The following FHIT variants were observed in gnomAD, a reference collection of about 807,000 sequenced individuals.
The protein encoded by FHIT is fragile histidine triad diadenosine triphosphatase.
In FHIT, 19 loss-of-function variants were observed where a neutral mutation model predicts 17.9. The observed-to-expected ratio is 1.06, with a 90% CI of 0.74 to 1.56. The LOEUF is 1.56. Ranked by LOEUF, FHIT falls within the 40% of genes most tolerant of loss-of-function variation. The probability of loss-of-function intolerance (pLI) is 0.00; values close to 1 mark genes in which losing one functional copy is unlikely to be tolerated. For synonymous variants in FHIT, 81 were observed against 69.7 expected (o/e 1.16, Z -0.81); for missense variants, 248 against 189.2 (o/e 1.31, Z -1.82).
At chr3:60,362,753 G>A (rs949577161) in intron 5 of FHIT, among the ~76,000 whole-genome samples, 2 of 152,096 alleles carry the variant, frequency 1.3e-5, no homozygotes, top group Admixed American at 6.5e-5. Context: ...TCAATAAAAC[G>A]TGGATCAGAT....
At chr3:60,332,170 T>C (rs1210160758) in intron 5 of FHIT, among the ~76,000 whole-genome samples, 4 of 152,234 alleles carry the variant, frequency 2.6e-5, no homozygotes, top group Admixed American at 6.5e-5. Flanking sequence ...AGCAATGTCC[T>C]ACTATTAACC....
At chr3:60,608,965 A>C (rs1435350153) in intron 4 of FHIT, among the ~76,000 whole-genome samples, 1 of 151,914 alleles carries the variant, frequency 6.6e-6, no homozygotes, top group Non-Finnish European at 1.5e-5. Flanking sequence ...TTTAAAAGTC[A>C]GTTGATTCAA....
At chr3:59,982,946 A>G (rs1350951641) in intron 7 of FHIT, among the ~76,000 whole-genome samples, 1 of 151,894 alleles carries the variant, frequency 6.6e-6, no homozygotes, top group East Asian at 1.9e-4. Flanking sequence ...ATTAGCCAGG[A>G]TTCTTTTTTT....
chr3:60,731,013 C>A (rs1372480025), intron 4 of FHIT, among the ~76,000 whole-genome samples: 1 of 151,462 alleles, frequency 6.6e-6, no homozygotes, highest in Non-Finnish European at 1.5e-5. Context: ...CGCCCGTAAT[C>A]CCAGCTACTT....
chr3:60,293,552 AC>A (rs1370033267), intron 5 of FHIT, among the ~76,000 whole-genome samples: 1 of 152,166 alleles, frequency 6.6e-6, no homozygotes, highest in Admixed American at 6.6e-5. Flanking sequence ...TCTGAAGGTC[AC>A]CTAACTATAT....
chr3:60,424,908 T>C (rs892018422), intron 5 of FHIT, among the ~76,000 whole-genome samples: 2 of 152,178 alleles, frequency 1.3e-5, no homozygotes, highest in African/African-American at 4.8e-5. Flanking sequence ...GCTCTGAAGT[T>C]TTTATCAGTA....
At chr3:61,170,618 T>C (rs768965754) in intron 2 of FHIT, among the ~76,000 whole-genome samples, 9 of 152,200 alleles carry the variant, frequency 5.9e-5, no homozygotes, top group Non-Finnish European at 1.0e-4. Context: ...AATGAGAATA[T>C]GCAGCATTTG....
intron 1 of FHIT, among the ~76,000 whole-genome samples, chr3:61,248,224 T>C (rs2040531973): frequency 1.3e-5 from 2 of 152,086 alleles, no homozygotes; most frequent in South Asian, 4.1e-4. Context: ...ATGAATGCAA[T>C]GCCACAAGTA....
chr3:60,868,056 A>G (rs183096834), intron 3 of FHIT, among the ~76,000 whole-genome samples: 2 of 152,274 alleles, frequency 1.3e-5, no homozygotes, highest in African/African-American at 4.8e-5. Context: ...TTGTTATGAC[A>G]TATCTGAATA....
chr3:60,957,398 T>A (rs942263893), intron 3 of FHIT, among the ~76,000 whole-genome samples: 2 of 151,978 alleles, frequency 1.3e-5, no homozygotes, highest in Non-Finnish European at 2.9e-5. Flanking sequence ...CCACCACACC[T>A]GGCTAATTTA....
At chr3:61,222,396 C>A (rs1245884433) in intron 1 of FHIT, among the ~76,000 whole-genome samples, 1 of 152,170 alleles carries the variant, frequency 6.6e-6, no homozygotes, top group Non-Finnish European at 1.5e-5. Context: ...AAGTATTCAA[C>A]AAAATATTGG....
intron 5 of FHIT, among the ~76,000 whole-genome samples, chr3:60,365,714 C>T (rs570499601): frequency 6.6e-6 from 1 of 152,270 alleles, no homozygotes; most frequent in African/African-American, 2.4e-5. Context: ...ATCAGTGTTA[C>T]GTCTTAAGAT....
intron 5 of FHIT, among the ~76,000 whole-genome samples, chr3:60,289,775 C>T (rs997497231): frequency 5.3e-5 from 8 of 152,012 alleles, no homozygotes; most frequent in Non-Finnish European, 1.0e-4. Context: ...GTTTCAGAAC[C>T]GGGTATTTAG....
intron 5 of FHIT, among the ~76,000 whole-genome samples, chr3:60,149,883 GAA>G (rs1700389303): frequency 6.7e-6 from 1 of 148,176 alleles, no homozygotes; most frequent in Non-Finnish European, 1.5e-5. Flanking sequence ...GAGCTATAAT[GAA>G]AGAGTTGTAA....
chr3:59,802,764 T>C (rs896628867), intron 8 of FHIT, among the ~76,000 whole-genome samples: 4 of 152,188 alleles, frequency 2.6e-5, no homozygotes, highest in African/African-American at 9.7e-5. Flanking sequence ...GCCCAGCACA[T>C]CACAGGTGTT....
At chr3:61,045,053 A>G (rs554407391) in intron 2 of FHIT, among the ~76,000 whole-genome samples, 1 of 152,314 alleles carries the variant, frequency 6.6e-6, no homozygotes, top group Admixed American at 6.5e-5. Context: ...GACCATCAAT[A>G]CTAGGAAGAA....
At chr3:60,203,349 T>G (rs934628024) in intron 5 of FHIT, among the ~76,000 whole-genome samples, 3 of 152,198 alleles carry the variant, frequency 2.0e-5, no homozygotes, top group South Asian at 4.1e-4. Context: ...TCATCATCAG[T>G]GAACACCTCT....
intron 5 of FHIT, among the ~76,000 whole-genome samples, chr3:60,355,669 G>C (rs1054428468): frequency 2.6e-5 from 4 of 152,032 alleles, no homozygotes; most frequent in Non-Finnish European, 5.9e-5. Context: ...TCTACAAATA[G>C]AACAAATTAC....
intron 5 of FHIT, among the ~76,000 whole-genome samples, chr3:60,396,784 T>C (rs2362881): frequency 0.14 from 21,364 of 152,160 alleles, 2,021 homozygotes; most frequent in Admixed American, 0.26. Context: ...TGATTAATTT[T>C]CTATTATGTG....
Sources: allele counts gnomAD v4.1 joint callset (sites outside exome capture counted in the v4.1 genomes callset), GRCh38; gene constraint gnomAD v4.1.1; transcripts MANE v1.5; gene names NCBI Gene and HGNC (gene_info 2026-07-23, HGNC 2026-07-21).